Variants in ESR2 observed in about 807,000 individuals in gnomAD.
ESR2 encodes estrogen receptor beta.
In ESR2, 36 loss-of-function variants were observed where a neutral mutation model predicts 49.6. That is an observed-to-expected ratio of 0.73 (90% CI 0.56 to 0.96). The LOEUF (loss-of-function observed/expected upper bound fraction) is 0.96, where lower values mean the gene tolerates loss of function less well. ESR2 is among the 40% of genes least tolerant of loss of function. The probability of loss-of-function intolerance (pLI) is 0.00; values close to 1 mark genes in which losing one functional copy is unlikely to be tolerated. For missense variants in ESR2, 714 were observed against 693.0 expected, an observed-to-expected ratio of 1.03 and a Z score of -0.34; for synonymous variants, 320 against 266.1, an observed-to-expected ratio of 1.20 and a Z score of -1.97.
intron 6 of ESR2, among the ~76,000 whole-genome samples, chr14:64,253,614 G>A (rs112529566): frequency 2.8e-5 from 4 of 145,254 alleles, no homozygotes; most frequent in South Asian, 2.2e-4. Flanking sequence ...GTATGTATGT[G>A]TGTGTATATA....
At chr14:64,308,050 T>C (rs1056083748) in intron 1 of ESR2, among the ~76,000 whole-genome samples, 8 of 152,128 alleles carry the variant, frequency 5.3e-5, no homozygotes, top group African/African-American at 1.9e-4. Flanking sequence ...GGTCTTGCTT[T>C]GTCACACAGA....
intron 7 of ESR2, among the ~76,000 whole-genome samples, chr14:64,248,701 G>C (rs2075920861): frequency 6.6e-6 from 1 of 151,948 alleles, no homozygotes. Context: ...GCATATCCTA[G>C]ACACCTTATT....
intron 2 of ESR2, among the ~76,000 whole-genome samples, chr14:64,281,626 T>C (rs1292929906): frequency 6.6e-6 from 1 of 152,352 alleles, no homozygotes; most frequent in East Asian, 1.9e-4. Flanking sequence ...TTAGTACTTT[T>C]AGATTTTTAT....
At chr14:64,320,417 G>A (rs1457715581) in intron 1 of ESR2, among the ~76,000 whole-genome samples, 1 of 151,912 alleles carries the variant, frequency 6.6e-6, no homozygotes, top group African/African-American at 2.4e-5. Context: ...AAAAAGTTGT[G>A]GTTGCCAGAG....
chr14:64,290,024 A>G (rs548148868), intron 1 of ESR2, among the ~76,000 whole-genome samples: 2 of 152,318 alleles, frequency 1.3e-5, no homozygotes, highest in East Asian at 3.9e-4. Context: ...AAGATTTCTT[A>G]AGCAACAAGC....
chr14:64,244,741 G>A (rs753442613), intron 7 of ESR2, among the ~76,000 whole-genome samples: 3 of 152,218 alleles, frequency 2.0e-5, no homozygotes, highest in Admixed American at 6.5e-5. Context: ...GCATGCAGAC[G>A]CATATCATGT....
chr14:64,318,751 T>C (rs2077290247), intron 1 of ESR2, among the ~76,000 whole-genome samples: 1 of 151,454 alleles, frequency 6.6e-6, no homozygotes, highest in Non-Finnish European at 1.5e-5. Context: ...GAAAAAATTT[T>C]AAATTAGCTA....
chr14:64,268,713 C>T lies in ESR2; in HGVS notation c.652+82G>A, dbSNP rs746498138. The T allele has an allele frequency of 2.3e-5, 18 of 785,048 alleles. No individual in the cohort carries two copies. The East Asian group carries it at 4.4e-4, about 19-fold the overall frequency. The allele number at this position is 785,048 out of a possible 1,614,324, so 48.6% of individuals were successfully genotyped here. A position where few individuals can be genotyped will look rare whatever the true frequency, so the allele number is the denominator to read the frequency against. On this transcript the variant is annotated intron_variant, in intron 4 of 8. Transcript: ENST00000341099. ...TACTATGTCCCAAATCTTCTCTTTT[C>T]CCGGCTACCTGTCCCCAGTTCCTCA...
chr14:64,272,548 T>C (rs1395649511), intron 3 of ESR2, among the ~76,000 whole-genome samples: 4 of 152,242 alleles, frequency 2.6e-5, no homozygotes, highest in Non-Finnish European at 5.9e-5. Flanking sequence ...TTTAAGTCAC[T>C]GATCCATCTG....
chr14:64,268,145 C>T (rs2076368761), intron 4 of ESR2, among the ~76,000 whole-genome samples: 1 of 152,086 alleles, frequency 6.6e-6, no homozygotes, highest in African/African-American at 2.4e-5. Flanking sequence ...TTTCTTTGTG[C>T]ATAAAATATA....
In ESR2 at chr14:64,254,742, A is replaced by G. The variant is rs555142211; in HGVS notation, c.1091+2484T>C. ...CATCGTATTCCAGCCTGGGTGACAG[A>G]GCGAGACTCCATCTCAAAAACAAAA... On this transcript the variant is annotated intron_variant, in intron 6 of 8. Transcript: ENST00000341099. Among the ~76,000 whole-genome samples the G allele has an allele frequency of 2.6e-5, 4 of 151,994 alleles. No individual in the cohort carries two copies. The South Asian group carries it at 8.3e-4, about 32-fold the overall frequency.
At chr14:64,242,181 G>A (rs1457069251) in intron 7 of ESR2, among the ~76,000 whole-genome samples, 8 of 151,850 alleles carry the variant, frequency 5.3e-5, no homozygotes, top group East Asian at 1.9e-4. Flanking sequence ...AGGCCAAGGC[G>A]GGTGGATCAC....
At chr14:64,308,037 C>G (rs534862729) in intron 1 of ESR2, among the ~76,000 whole-genome samples, 6 of 151,936 alleles carry the variant, frequency 3.9e-5, no homozygotes, top group African/African-American at 1.4e-4. Flanking sequence ...GTTGTTGAGA[C>G]GGGGTCTTGC....
chr14:64,336,568 C>T (rs2077534733), intron 1 of ESR2: 1 of 152,078 alleles, frequency 6.6e-6, no homozygotes, highest in South Asian at 2.1e-4. Flanking sequence ...CTCTTCTTTT[C>T]AATCTTCCCT....
intron 1 of ESR2, among the ~76,000 whole-genome samples, chr14:64,292,687 CAT>C (rs1016885208): frequency 6.6e-6 from 1 of 152,126 alleles, no homozygotes; most frequent in African/African-American, 2.4e-5. Context: ...AAAATTATCA[CAT>C]GAATTTTGAA....
intron 1 of ESR2, among the ~76,000 whole-genome samples, chr14:64,286,696 C>T (rs926675322): frequency 1.3e-5 from 2 of 151,844 alleles, no homozygotes; most frequent in African/African-American, 4.8e-5. Flanking sequence ...ATAACTATTG[C>T]CAAAACTAGC....
At position 64,257,374 on chromosome 14, in the gene ESR2, G is replaced by A. The variant is rs201005626; in HGVS notation, c.953-10C>T. 2.2e-4 allele frequency: 347 copies of A among 1,612,410 alleles called. 1 individual carries two copies. The African/African-American group carries it at 4.1e-3, about 19-fold the overall frequency. On this transcript the variant is annotated splice_polypyrimidine_tract_variant and intron_variant, in intron 5 of 8. Coordinates refer to ENST00000341099, the MANE Select transcript of ESR2 (RefSeq NM_001437.3). ...CTGAGCTCCACAAAGCCTGGGGAAA[G>A]CAAGAGGCGGTGAGACACCCCCACC...
intron 1 of ESR2, among the ~76,000 whole-genome samples, chr14:64,329,127 G>T (rs989944237): frequency 2.6e-5 from 4 of 152,060 alleles, no homozygotes; most frequent in Admixed American, 2.6e-4. Context: ...AACACTAAAG[G>T]ATCAGAAAGA....
intron 1 of ESR2, chr14:64,335,797 C>CTTTTTTTTTT (rs771364589): frequency 9.2e-6 from 1 of 109,094 alleles, no homozygotes; most frequent in Non-Finnish European, 1.8e-5. Context: ...TGATAAACAC[C>CTTTTTTTTTT]TTTTTTTTTT....
Sources: allele counts gnomAD v4.1 joint callset (sites outside exome capture counted in the v4.1 genomes callset), GRCh38; gene constraint gnomAD v4.1.1; transcripts MANE v1.5; gene names NCBI Gene and HGNC (gene_info 2026-07-23, HGNC 2026-07-21).